MEIOB: variants seen among roughly 807,000 people sequenced by gnomAD.
The protein encoded by MEIOB is meiosis specific with OB-fold.
Under a neutral mutation model 53.1 loss-of-function variants are expected in MEIOB, and 50 were observed. The ratio of observed to expected loss-of-function variants is 0.94; its 90% CI spans 0.75 to 1.19. The LOEUF is 1.19. Ranked by LOEUF, MEIOB falls within the 50% of genes most tolerant of loss-of-function variation. The probability of loss-of-function intolerance (pLI) is 0.00; values close to 1 mark genes in which losing one functional copy is unlikely to be tolerated. For synonymous variants in MEIOB, 192 were observed against 182.5 expected (o/e 1.05, Z -0.42); for missense variants, 551 against 550.8 (o/e 1.00, Z 0.00).
chr16:1,861,468 T>C (rs528709968), intron 4 of MEIOB, among the ~76,000 whole-genome samples: 4 of 152,098 alleles, frequency 2.6e-5, no homozygotes, highest in African/African-American at 9.6e-5. Flanking sequence ...AGTAAGGTTA[T>C]TTAGTAAAAA....
At chr16:1,848,543 C>CTTTTTT (rs1491207918) in intron 9 of MEIOB, among the ~76,000 whole-genome samples, 1 of 135,332 alleles carries the variant, frequency 7.4e-6, no homozygotes, top group Admixed American at 7.6e-5. Flanking sequence ...TTTTTTTTTT[C>CTTTTTT]CTTTTTTTTT....
intron 13 of MEIOB, among the ~76,000 whole-genome samples, chr16:1,836,523 T>C (rs960839863): frequency 1.4e-5 from 2 of 147,202 alleles, no homozygotes; most frequent in East Asian, 3.9e-4. Flanking sequence ...ATGCTAACTG[T>C]TGAAGAGATG....
intron 5 of MEIOB, among the ~76,000 whole-genome samples, chr16:1,860,044 C>T (rs1445609635): frequency 6.6e-6 from 1 of 152,216 alleles, no homozygotes; most frequent in East Asian, 1.9e-4. Flanking sequence ...AGCTCTGCTT[C>T]GAAGGAATCT....
At chr16:1,836,183 G>A (rs1898740693) in intron 13 of MEIOB, among the ~76,000 whole-genome samples, 1 of 151,938 alleles carries the variant, frequency 6.6e-6, no homozygotes, top group Non-Finnish European at 1.5e-5. Flanking sequence ...TATGCATCAT[G>A]GTTTTTGGAT....
At chr16:1,850,982 G>A (rs1180209084) in intron 9 of MEIOB, among the ~76,000 whole-genome samples, 1 of 152,066 alleles carries the variant, frequency 6.6e-6, no homozygotes, top group African/African-American at 2.4e-5. Context: ...CCTCCCTCCA[G>A]GAAAGAAAAA....
rs1899211729 is a variant in MEIOB, at chr16:1,853,102, C to T, written c.715G>A (p.Asp239Asn). 4 of 1,612,322 alleles carry T rather than the reference C, an allele frequency of 2.5e-6. No homozygotes were observed. The highest frequency in any genetic ancestry group is 3.4e-6 in the Non-Finnish European group (4 of 1,179,014). ...IFASDVRINF[D>N]KFRNCMTATV... is the part of the protein sequence containing the mutation. ...GCTGTCATGCAGTTCCGAAATTTGT[C>T]AAAATTTATTCTTACATCTGAGGCA... The change falls in exon 9 of 14, where the codon GAC becomes AAC. Residue 239 changes from aspartate (D) to asparagine (N), a missense_variant. Physicochemically the swap from Asp to Asn is conservative, Grantham distance 23. Transcript: ENST00000325962.
intron 1 of MEIOB, among the ~76,000 whole-genome samples, chr16:1,871,659 G>A (rs1193531380): frequency 6.7e-6 from 1 of 149,118 alleles, no homozygotes; most frequent in Non-Finnish European, 1.5e-5. Context: ...ACAGTAGCTG[G>A]GATTACAGAA....
At chr16:1,859,518 G>A (rs1899390025) in intron 5 of MEIOB, among the ~76,000 whole-genome samples, 1 of 152,188 alleles carries the variant, frequency 6.6e-6, no homozygotes, top group South Asian at 2.1e-4. Context: ...TCCAGCCTGG[G>A]CAACAGAGTG....
intron 6 of MEIOB, among the ~76,000 whole-genome samples, chr16:1,855,724 A>C (rs750170387): frequency 1.2e-4 from 18 of 152,218 alleles, no homozygotes; most frequent in Admixed American, 2.0e-4. Context: ...AACTGCCTAC[A>C]AAGTGACTTC....
intron 9 of MEIOB, among the ~76,000 whole-genome samples, chr16:1,846,898 T>A (rs1425374835): frequency 6.6e-6 from 1 of 152,136 alleles, no homozygotes; most frequent in East Asian, 1.9e-4. Context: ...GGTTCACGCC[T>A]ATAATCCCAG....
At chr16:1,857,613 A>G (rs1293768695) in intron 6 of MEIOB, 122 bp downstream of exon 6, 1 of 658,298 alleles carries the variant, frequency 1.5e-6, no homozygotes, top group Non-Finnish European at 2.6e-6. Context: ...AATTCAGCAT[A>G]CTACCAAGAT....
intron 3 of MEIOB, 133 bp downstream of exon 3, chr16:1,865,645 T>G: frequency 1.6e-6 from 1 of 637,978 alleles, no homozygotes; most frequent in Admixed American, 3.2e-5. Flanking sequence ...TACTTGACCA[T>G]CCAATAGAGA....
intron 5 of MEIOB, among the ~76,000 whole-genome samples, chr16:1,859,154 TGAA>T (rs1899380945): frequency 6.6e-6 from 1 of 152,158 alleles, no homozygotes; most frequent in Admixed American, 6.5e-5. Context: ...TGGGGAAGGT[TGAA>T]GAAGATGACA....
chr16:1,840,906 G>A (rs1276167280), intron 11 of MEIOB: 1 of 151,008 alleles, frequency 6.6e-6, no homozygotes, highest in East Asian at 1.9e-4. Flanking sequence ...TGAAAATTCA[G>A]TTATAAAAAT....
intron 6 of MEIOB, among the ~76,000 whole-genome samples, chr16:1,855,109 G>A (rs1188176976): frequency 1.3e-5 from 2 of 152,188 alleles, no homozygotes; most frequent in African/African-American, 4.8e-5. Flanking sequence ...CGCCAGTGGG[G>A]GTGAGAGGAA....
At chr16:1,837,926 T>A in intron 12 of MEIOB, 56 bp from the exon 13 acceptor site, 1 of 1,457,934 alleles carries the variant, frequency 6.9e-7, no homozygotes, top group Non-Finnish European at 9.1e-7. Context: ...AGAAAATTCA[T>A]TTTTGACAAC....
chr16:1,865,677 A>C (rs999907041), intron 3 of MEIOB, 101 bp downstream of exon 3: 3 of 797,792 alleles, frequency 3.8e-6, no homozygotes, highest in Non-Finnish European at 6.0e-6. Flanking sequence ...GCTCTTAAGG[A>C]GTTAAACAGG....
chr16:1,850,881 A>G (rs1899153957), intron 9 of MEIOB, among the ~76,000 whole-genome samples: 1 of 152,150 alleles, frequency 6.6e-6, no homozygotes, highest in Non-Finnish European at 1.5e-5. Flanking sequence ...AGATCACGCC[A>G]CTGCACTCCA....
rs1567272040 is a variant in MEIOB, at chr16:1,838,313, T to C, written c.1219-443A>G. Among the ~76,000 whole-genome samples the C allele has an allele frequency of 2.6e-5, 4 of 152,128 alleles. No homozygotes were observed. The South Asian group carries it at 8.3e-4, about 32-fold the overall frequency. On this transcript the variant is annotated intron_variant, in intron 12 of 13. Transcript: ENST00000325962. The stretch of plus-strand genomic sequence containing the variant: ...CTATGCCCAGCCAACTCAACTGTTT[T>C]GATAGAGAAGATAAGGCAGGAAAGG...
Sources: allele counts gnomAD v4.1 joint callset (sites outside exome capture counted in the v4.1 genomes callset), GRCh38; gene constraint gnomAD v4.1.1; transcripts MANE v1.5; gene names NCBI Gene and HGNC (gene_info 2026-07-23, HGNC 2026-07-21).